SGPL1: variants seen among roughly 807,000 people sequenced by gnomAD.
The protein encoded by SGPL1 is sphingosine-1-phosphate lyase 1, also known as SP-lyase 1.
In SGPL1, 37 loss-of-function variants were observed where a neutral mutation model predicts 68.9. The ratio of observed to expected loss-of-function variants is 0.54; its 90% CI spans 0.41 to 0.71. SGPL1 has a LOEUF of 0.71. SGPL1 is among the 30% of genes least tolerant of loss of function. The probability of loss-of-function intolerance (pLI) is 0.00; values close to 1 mark genes in which losing one functional copy is unlikely to be tolerated. For missense variants in SGPL1, 551 were observed against 704.6 expected (o/e 0.78, Z 2.47); for synonymous variants, 236 against 248.5 (o/e 0.95, Z 0.47).
chr10:70,819,732 A>G (rs1845305499), intron 2 of SGPL1, among the ~76,000 whole-genome samples: 1 of 150,828 alleles, frequency 6.6e-6, no homozygotes, highest in South Asian at 2.1e-4. Flanking sequence ...TGAGGCTCAG[A>G]TGATCCTTCC....
intron 7 of SGPL1, among the ~76,000 whole-genome samples, chr10:70,862,093 G>C (rs1846073266): frequency 6.6e-6 from 1 of 151,548 alleles, no homozygotes; most frequent in African/African-American, 2.4e-5. Flanking sequence ...GCCCCGGTGC[G>C]GGATCCACTG....
chr10:70,869,996 T>A, intron 9 of SGPL1, 99 bp downstream of exon 9: 2 of 852,658 alleles, frequency 2.3e-6, no homozygotes, highest in Non-Finnish European at 3.8e-6. Flanking sequence ...TCTGACTGCC[T>A]TTGATTGTGG....
chr10:70,854,331 T>C (rs1486259263), intron 4 of SGPL1, among the ~76,000 whole-genome samples: 2 of 152,052 alleles, frequency 1.3e-5, no homozygotes, highest in Non-Finnish European at 2.9e-5. Flanking sequence ...CCTGCTACCA[T>C]GCCTGGCTAA....
chr10:70,857,528 G>A (rs1307671725), intron 5 of SGPL1, 86 bp from the exon 6 acceptor site: 1 of 1,057,688 alleles, frequency 9.5e-7, no homozygotes, highest in South Asian at 1.3e-5. Flanking sequence ...TGTATCCAGA[G>A]GAGTTTCTTC....
At chr10:70,862,550 A>G (rs979540893) in intron 7 of SGPL1, among the ~76,000 whole-genome samples, 3 of 152,122 alleles carry the variant, frequency 2.0e-5, no homozygotes, top group African/African-American at 4.8e-5. Flanking sequence ...GCTCTTTGCA[A>G]TAAATCTTGC....
intron 3 of SGPL1, among the ~76,000 whole-genome samples, chr10:70,844,978 T>C (rs1845769586): frequency 6.6e-6 from 1 of 152,142 alleles, no homozygotes; most frequent in African/African-American, 2.4e-5. Context: ...GACCTCGTGA[T>C]CCACCCACCT....
In SGPL1 at chr10:70,880,229, G is replaced by A. The variant is rs534809930; in HGVS notation, c.*2894G>A. Reference sequence around the variant, plus strand: ...ATTGCCCCCTGGTGGTGAAACAATCGTGTGTGCCCACTGATACCAAGACCA... The same window carrying A: ...ATTGCCCCCTGGTGGTGAAACAATCATGTGTGCCCACTGATACCAAGACCA... On this transcript the variant is annotated 3_prime_UTR_variant, in exon 15 of 15. Coordinates refer to ENST00000373202, the MANE Select transcript of SGPL1 (RefSeq NM_003901.4). The A allele has an allele frequency of 2.0e-5, 3 of 152,470 alleles. No individual in the cohort carries two copies. Among genetic ancestry groups the A allele is most frequent in the South Asian group, 2.1e-4 (1 of 4,832 alleles). 9.4% of individuals were successfully genotyped at this position (152,470 alleles called of 1,614,324 possible).
chr10:70,827,337 CAT>C (rs1845455085), intron 2 of SGPL1, among the ~76,000 whole-genome samples: 1 of 152,206 alleles, frequency 6.6e-6, no homozygotes, highest in Admixed American at 6.5e-5. Context: ...CTCTTCAAGT[CAT>C]ATGCCTTATC....
At chr10:70,821,957 CTCTTT>C (rs755503088) in intron 2 of SGPL1, among the ~76,000 whole-genome samples, 1 of 152,204 alleles carries the variant, frequency 6.6e-6, no homozygotes, top group Non-Finnish European at 1.5e-5. Flanking sequence ...TTCTGCACCA[CTCTTT>C]TCTTGATTTG....
At position 70,834,669 on chromosome 10, in the gene SGPL1, C is replaced by T. The variant is rs191105372; in HGVS notation, c.28-9804C>T. On this transcript the variant is annotated intron_variant, in intron 2 of 14. Transcript: ENST00000373202. Reference sequence around the variant, plus strand: ...AAAATGCTCAGCCCTTGTAGGATGCCGTTAGGTCATCTGGAAGTTCTGTAT... The same window carrying T: ...AAAATGCTCAGCCCTTGTAGGATGCTGTTAGGTCATCTGGAAGTTCTGTAT... Among the ~76,000 whole-genome samples, 12 of 152,268 alleles carry T rather than the reference C, an allele frequency of 7.9e-5. No individual in the cohort carries two copies. The East Asian group carries it at 2.1e-3, about 27-fold the overall frequency.
chr10:70,843,257 CTG>C (rs56785272), intron 2 of SGPL1, among the ~76,000 whole-genome samples: 28 of 149,786 alleles, frequency 1.9e-4, no homozygotes, highest in East Asian at 3.9e-4. Context: ...ATGTATGTGC[CTG>C]TGTGTGTGTG....
At chr10:70,852,717 T>C (rs1353705417) in intron 4 of SGPL1, among the ~76,000 whole-genome samples, 1 of 151,314 alleles carries the variant, frequency 6.6e-6, no homozygotes, top group South Asian at 2.1e-4. Flanking sequence ...TGTGTGTGTG[T>C]GTGTGTGTGT....
chr10:70,817,971 G>T (rs1845266916), intron 2 of SGPL1, among the ~76,000 whole-genome samples: 1 of 152,174 alleles, frequency 6.6e-6, no homozygotes, highest in Admixed American at 6.5e-5. Flanking sequence ...GTTGCTAAAT[G>T]CATGTTTACC....
chr10:70,827,748 T>C (rs546075649), intron 2 of SGPL1, among the ~76,000 whole-genome samples: 11 of 152,352 alleles, frequency 7.2e-5, no homozygotes, highest in Non-Finnish European at 1.3e-4. Flanking sequence ...AGTAAATATT[T>C]ATGTATGAAT....
At chr10:70,824,441 T>G (rs1466990132) in intron 2 of SGPL1, among the ~76,000 whole-genome samples, 1 of 152,192 alleles carries the variant, frequency 6.6e-6, no homozygotes, top group Non-Finnish European at 1.5e-5. Context: ...AACAAAATAA[T>G]AAGTCATTGA....
intron 7 of SGPL1, 75 bp downstream of exon 7, chr10:70,859,574 T>A: frequency 1.4e-6 from 1 of 739,884 alleles, no homozygotes; most frequent in Non-Finnish European, 1.7e-6. Context: ...AAATATTAAT[T>A]ATATTTTAAA....
At chr10:70,818,743 A>G (rs180883401) in intron 2 of SGPL1, among the ~76,000 whole-genome samples, 72 of 152,336 alleles carry the variant, frequency 4.7e-4, no homozygotes, top group African/African-American at 1.6e-3. Flanking sequence ...ATCCCAATGA[A>G]AAGTTCATCT....
intron 10 of SGPL1, 97 bp from the exon 11 acceptor site, chr10:70,871,740 C>T (rs1846300864): frequency 8.8e-7 from 1 of 1,133,708 alleles, no homozygotes; most frequent in Non-Finnish European, 1.3e-6. Flanking sequence ...TACAAAATAG[C>T]CTTGTGTTTA....
intron 5 of SGPL1, among the ~76,000 whole-genome samples, chr10:70,856,299 A>G (rs1162515241): frequency 6.6e-6 from 1 of 152,158 alleles, no homozygotes; most frequent in Non-Finnish European, 1.5e-5. Context: ...CTCGGCCTTG[A>G]CAAATACCCT....
Sources: gnomAD v4.1 joint callset for allele counts (sites outside exome capture counted in the v4.1 genomes callset) on GRCh38, gnomAD v4.1.1 for gene constraint, MANE v1.5 for transcripts, NCBI Gene and HGNC (gene_info 2026-07-23, HGNC 2026-07-21) for gene names.